Variants in PDE10A observed in about 807,000 individuals in gnomAD.
The protein encoded by PDE10A is cAMP and cAMP-inhibited cGMP 3',5'-cyclic phosphodiesterase 10A.
PDE10A carries 39 observed loss-of-function variants against 97.7 expected under a neutral mutation model. The observed-to-expected ratio is 0.40, with a 90% CI of 0.31 to 0.52. PDE10A has a LOEUF of 0.52. PDE10A is among the 20% of genes least tolerant of loss of function. The pLI is 0.56. For missense variants in PDE10A, 731 were observed against 1,047.8 expected (o/e 0.70, Z 4.17); for synonymous variants, 371 against 376.8 (o/e 0.98, Z 0.18).
chr6:165,677,561 G>A (rs1790834318), intron 1 of PDE10A, among the ~76,000 whole-genome samples: 1 of 152,160 alleles, frequency 6.6e-6, no homozygotes, highest in African/African-American at 2.4e-5. Context: ...TTTACATAGC[G>A]TTTACATCGT....
intron 1 of PDE10A, among the ~76,000 whole-genome samples, chr6:165,941,236 C>A (rs964848204): frequency 1.3e-5 from 2 of 152,178 alleles, no homozygotes; most frequent in Non-Finnish European, 2.9e-5. Context: ...ACACTTAGAA[C>A]GATGGTTGGC....
intron 1 of PDE10A, among the ~76,000 whole-genome samples, chr6:165,612,579 A>G (rs765394982): frequency 2.0e-5 from 3 of 152,140 alleles, no homozygotes; most frequent in Admixed American, 1.3e-4. Flanking sequence ...CATGTTGGCC[A>G]GGCTGATCTC....
intron 1 of PDE10A, among the ~76,000 whole-genome samples, chr6:165,731,143 C>A (rs1208231798): frequency 2.6e-5 from 4 of 152,234 alleles, no homozygotes; most frequent in African/African-American, 9.6e-5. Flanking sequence ...GCCGGAGCTC[C>A]CTGTCCCTGC....
intron 1 of PDE10A, among the ~76,000 whole-genome samples, chr6:165,595,250 C>A (rs1786519252): frequency 6.6e-6 from 1 of 152,168 alleles, no homozygotes; most frequent in African/African-American, 2.4e-5. Flanking sequence ...TTAGTCCTCT[C>A]ATGGGAGTCA....
At chr6:165,665,511 C>T (rs1253798715), upstream of PDE10A, among the ~76,000 whole-genome samples, 1 of 152,128 alleles carries the variant, frequency 6.6e-6, no homozygotes, top group African/African-American at 2.4e-5. Context: ...TGATAGTTCC[C>T]ATAAAGACTG....
At chr6:165,623,153 T>G (rs565599581) in intron 1 of PDE10A, among the ~76,000 whole-genome samples, 1 of 152,308 alleles carries the variant, frequency 6.6e-6, no homozygotes, top group South Asian at 2.1e-4. Context: ...TGTTTATTTA[T>G]TTTTTGAGAC....
At chr6:165,355,897 C>A (rs200363278) in intron 18 of PDE10A, among the ~76,000 whole-genome samples, 3 of 152,038 alleles carry the variant, frequency 2.0e-5, no homozygotes, top group Admixed American at 2.0e-4. Context: ...ATTTTCACAC[C>A]GCTATAAAGA....
intron 1 of PDE10A, among the ~76,000 whole-genome samples, chr6:165,749,381 C>T (rs1169616663): frequency 3.9e-5 from 2 of 51,332 alleles, no homozygotes; most frequent in Non-Finnish European, 8.1e-5. Flanking sequence ...CCATCACCAC[C>T]ACCATCATCA....
chr6:165,336,356 G>T, intron 20 of PDE10A, 145 bp from the exon 21 acceptor site: 1 of 642,502 alleles, frequency 1.6e-6, no homozygotes, highest in South Asian at 1.9e-5. Flanking sequence ...TGATATCTGG[G>T]TTCCATGAAT....
At chr6:165,506,017 C>T (rs1167832730) in intron 2 of PDE10A, among the ~76,000 whole-genome samples, 1 of 152,124 alleles carries the variant, frequency 6.6e-6, no homozygotes, top group African/African-American at 2.4e-5. Context: ...TCTAACTCTA[C>T]ACTGCCTCCA....
intron 1 of PDE10A, among the ~76,000 whole-genome samples, chr6:165,606,537 C>T (rs1217814007): frequency 6.6e-6 from 1 of 152,180 alleles, no homozygotes; most frequent in African/African-American, 2.4e-5. Flanking sequence ...ACACACCTCG[C>T]TTCCTTCCAC....
intron 18 of PDE10A, among the ~76,000 whole-genome samples, chr6:165,370,018 C>A (rs1784111815): frequency 2.6e-5 from 4 of 152,012 alleles, no homozygotes; most frequent in African/African-American, 9.7e-5. Flanking sequence ...ACTTTACAGA[C>A]AAGCAAATGC....
chr6:165,975,823 A>G (rs1456659741), intron 1 of PDE10A, among the ~76,000 whole-genome samples: 3 of 152,212 alleles, frequency 2.0e-5, no homozygotes, highest in Non-Finnish European at 2.9e-5. Flanking sequence ...GATAACCCTC[A>G]TGGATTTTCC....
At chr6:165,963,961 T>A (rs1784432226) in intron 1 of PDE10A, among the ~76,000 whole-genome samples, 1 of 152,202 alleles carries the variant, frequency 6.6e-6, no homozygotes, top group African/African-American at 2.4e-5. Context: ...TCAGCTAAGG[T>A]GTCAGCGGCA....
At chr6:165,722,572 C>T (rs1390912157) in intron 1 of PDE10A, among the ~76,000 whole-genome samples, 1 of 152,190 alleles carries the variant, frequency 6.6e-6, no homozygotes. Context: ...ATTATAACAA[C>T]ATACTGTCAT....
Position 165,413,663 on chromosome 6 carries a change from G to A in PDE10A, c.1914C>T (p.Tyr638=). ...FNREVDLYTG[Y]TTRNILCMPI... Reference sequence around the variant, plus strand: ...GCATGCACAGGATGTTCCGCGTGGTGTAGCCTGTGTACAAGTCTACTTCTC... The same window carrying A: ...GCATGCACAGGATGTTCCGCGTGGTATAGCCTGTGTACAAGTCTACTTCTC... Residue 638 remains tyrosine (Y), a synonymous_variant, in exon 13 of 22, where the codon TAC becomes TAT. Transcript: ENST00000539869. The A allele has an allele frequency of 6.2e-7, 1 of 1,613,972 alleles. No homozygotes were observed. The highest frequency in any genetic ancestry group is 1.1e-5 in the South Asian group (1 of 91,054).
chr6:165,674,442 T>C (rs757999662), intron 1 of PDE10A, among the ~76,000 whole-genome samples: 8 of 152,084 alleles, frequency 5.3e-5, no homozygotes, highest in Non-Finnish European at 1.0e-4. Context: ...AGCTCCCTGC[T>C]GATGCGCAGT....
intron 1 of PDE10A, among the ~76,000 whole-genome samples, chr6:165,836,893 T>C (rs1213128028): frequency 6.6e-6 from 1 of 151,950 alleles, no homozygotes. Flanking sequence ...TTCATGTCGT[T>C]TGTAGGGACA....
At chr6:165,359,924 T>C (rs1783282891) in intron 18 of PDE10A, among the ~76,000 whole-genome samples, 1 of 152,196 alleles carries the variant, frequency 6.6e-6, no homozygotes, top group Non-Finnish European at 1.5e-5. Context: ...CCAACCCCTA[T>C]TTCTGACAGT....
Sources: allele counts gnomAD v4.1 joint callset (sites outside exome capture counted in the v4.1 genomes callset), GRCh38; gene constraint gnomAD v4.1.1; transcripts MANE v1.5; gene names NCBI Gene and HGNC (gene_info 2026-07-23, HGNC 2026-07-21).